FAM8A1: variants seen among roughly 807,000 people sequenced by gnomAD.
FAM8A1 encodes protein FAM8A1.
A neutral mutation model predicts 38.3 loss-of-function variants in FAM8A1; 18 were observed. The ratio of observed to expected loss-of-function variants is 0.47; its 90% CI spans 0.33 to 0.70. FAM8A1 has a LOEUF of 0.70. Among genes scored for constraint, FAM8A1 ranks in the 30% least tolerant of loss-of-function variants. The pLI is 0.03. For synonymous variants in FAM8A1, 246 were observed against 234.4 expected (o/e 1.05, Z -0.45); for missense variants, 559 against 559.6 (o/e 1.00, Z 0.01).
intron 2 of FAM8A1, 43 bp from the exon 3 acceptor site, chr6:17,604,863 T>C: frequency 6.6e-7 from 1 of 1,506,122 alleles, no homozygotes; most frequent in Non-Finnish European, 8.9e-7. Context: ...GCTACTGTTC[T>C]GGTAACTAAT....
chr6:17,600,385 C>A lies in FAM8A1; in HGVS notation c.-25C>A. ...AGGGAAACGGAGCAGTGACAGGTAT[C>A]CCAGAGGGTGCTGCTGAGGCGACGA... On this transcript the variant is annotated 5_prime_UTR_variant, in exon 1 of 5. Transcript: ENST00000259963. 1 of 1,377,118 alleles carries A rather than the reference C, an allele frequency of 7.3e-7. No individual in the cohort carries two copies. The highest frequency in any genetic ancestry group is 9.4e-7 in the Non-Finnish European group (1 of 1,064,358). The allele number at this position is 1,377,118 out of a possible 1,614,324, so 85.3% of individuals were successfully genotyped here. A position where few individuals can be genotyped will look rare whatever the true frequency, so the allele number is the denominator to read the frequency against.
At position 17,608,675 on chromosome 6, in the gene FAM8A1, T is replaced by C. The variant is rs1764093481; in HGVS notation, c.*336T>C. On this transcript the variant is annotated 3_prime_UTR_variant, in exon 5 of 5. Transcript: ENST00000259963. Reference sequence around the variant, plus strand: ...AGCTTTGAAATCTCCAAATGAAACTTTAAAATTTATTTTGGTTTATCCCAA... The same window carrying C: ...AGCTTTGAAATCTCCAAATGAAACTCTAAAATTTATTTTGGTTTATCCCAA... The C allele has an allele frequency of 5.6e-6, 1 of 177,744 alleles. No individual in the cohort carries two copies. Among genetic ancestry groups the C allele is most frequent in the African/African-American group, 2.4e-5 (1 of 42,516 alleles). 11.0% of individuals were successfully genotyped at this position (177,744 alleles called of 1,614,324 possible). A position where few individuals can be genotyped will look rare whatever the true frequency, so the allele number is the denominator to read the frequency against.
chr6:17,604,454 G>T (rs1764026485), intron 2 of FAM8A1, among the ~76,000 whole-genome samples: 1 of 151,940 alleles, frequency 6.6e-6, no homozygotes, highest in South Asian at 2.1e-4. Context: ...CCTCTTTCTG[G>T]AACGTTATTT....
intron 4 of FAM8A1, among the ~76,000 whole-genome samples, chr6:17,607,510 A>G (rs929036674): frequency 2.7e-5 from 4 of 149,092 alleles, no homozygotes; most frequent in African/African-American, 1.0e-4. Context: ...TATAGGTAGT[A>G]TCTATATACT....
In FAM8A1 at chr6:17,609,717, T is replaced by G. The variant is rs994281027; in HGVS notation, c.*1378T>G. The stretch of plus-strand genomic sequence containing the variant: ...ATTTTCTCCAGCTCTGACATTGTTT[T>G]CCAAAGACACACTAAACTGCATTGC... On this transcript the variant is annotated 3_prime_UTR_variant, in exon 5 of 5. Coordinates refer to ENST00000259963, the MANE Select transcript of FAM8A1 (RefSeq NM_016255.3). 1.3e-5 allele frequency: 2 copies of G among 152,208 alleles called. No homozygotes were observed. Among genetic ancestry groups the G allele is most frequent in the Non-Finnish European group, 2.9e-5 (2 of 68,028 alleles). 9.4% of individuals were successfully genotyped at this position (152,208 alleles called of 1,614,324 possible).
intron 1 of FAM8A1, 90 bp from the exon 2 acceptor site, chr6:17,602,500 T>C: frequency 7.6e-7 from 1 of 1,317,820 alleles, no homozygotes. Flanking sequence ...GTACCTTGAC[T>C]TTCTTTAGCA....
intron 2 of FAM8A1, 50 bp from the exon 3 acceptor site, chr6:17,604,856 A>G (rs1764030777): frequency 1.4e-6 from 2 of 1,474,366 alleles, no homozygotes; most frequent in South Asian, 1.3e-5. Flanking sequence ...AGTCAGTGCT[A>G]CTGTTCTGGT....
rs1180851254 is a variant in FAM8A1 at position 17,600,750 on chromosome 6, C to G, written c.341C>G (p.Ser114Cys). 6.4e-7 allele frequency: 1 copy of G among 1,573,182 alleles called. No homozygotes were observed. The highest frequency in any genetic ancestry group is 1.4e-5 in the African/African-American group (1 of 70,630). Residue 114 changes from serine (S) to cysteine (C), a missense_variant, in exon 1 of 5, where the codon TCC (serine) becomes TGC (cysteine). By Grantham distance (112) the Ser-to-Cys change is moderately radical. This residue lies in a region of FAM8A1 where 393 missense variants were observed against 338.9 expected (regional missense o/e 1.16). Transcript: ENST00000259963. ...GCTCGGCTGAGCGCCCGCGAGTACT[C>G]CCGGCAAGTGCACGAGTGGCTGTGG... ...RPARLSAREY[S>C]RQVHEWLWQS...
At position 17,600,645 on chromosome 6, in the gene FAM8A1, C is replaced by A; in HGVS notation, c.236C>A (p.Ala79Glu). 1 of 1,543,794 alleles carries A rather than the reference C, an allele frequency of 6.5e-7. No individual in the cohort carries two copies. Among genetic ancestry groups the A allele is most frequent in the Non-Finnish European group, 8.7e-7 (1 of 1,151,378 alleles). The change falls in exon 1 of 5, where the codon GCG (alanine) becomes GAG (glutamate). Residue 79 changes from alanine (A) to glutamate (E), a missense_variant. Transcript: ENST00000259963. ...CGCGAGCTCAGGAAGCGCGGGGAGG[C>A]GGCCTCCGGCTCCGGTGCAGAGCTG... ...PPRELRKRGE[A>E]ASGSGAELQE...
Position 17,609,008 on chromosome 6 carries a change from G to GAA in FAM8A1, c.*673_*674dup, listed in dbSNP as rs35291609. The GAA allele has an allele frequency of 1.3e-5, 2 of 151,792 alleles. No individual in the cohort carries two copies. Among genetic ancestry groups the GAA allele is most frequent in the African/African-American group, 4.8e-5 (2 of 41,364 alleles). The allele number at this position is 151,792 out of a possible 1,614,324, so 9.4% of individuals were successfully genotyped here. On this transcript the variant is annotated 3_prime_UTR_variant, in exon 5 of 5. Transcript: ENST00000259963. ...TTAGGGGCAAGTTTCTCATGATGAT[G>GAA]AAAAAGTATCAAGTCATATTGCTAT...
At position 17,601,090 on chromosome 6, in the gene FAM8A1, G is replaced by A. The variant is rs1473728378; in HGVS notation, c.681G>A (p.Ser227=). The change falls in exon 1 of 5, where the codon TCG becomes TCA. Residue 227 remains serine (S), a synonymous_variant. Transcript: ENST00000259963. The stretch of plus-strand genomic sequence containing the variant: ...CGAGGGTAGGATCCGCAGCCCCTTC[G>A]CGAAGCCCGAGCGAGACCGGGCGAC... ...PVTRVGSAAP[S]RSPSETGRQA... The A allele has an allele frequency of 6.3e-7, 1 of 1,598,360 alleles. No individual in the cohort carries two copies. The highest frequency in any genetic ancestry group is 8.5e-7 in the Non-Finnish European group (1 of 1,175,064).
intron 4 of FAM8A1, among the ~76,000 whole-genome samples, chr6:17,606,326 G>C (rs376984602): frequency 2.9e-4 from 44 of 150,732 alleles, no homozygotes; most frequent in African/African-American, 1.1e-3. Context: ...TCAGCCTCCC[G>C]AGTAGGTGGG....
chr6:17,606,530 A>C (rs1764055987), intron 4 of FAM8A1, among the ~76,000 whole-genome samples: 1 of 152,120 alleles, frequency 6.6e-6, no homozygotes. Context: ...ATTATAAGTC[A>C]CAATACGAGA....
intron 1 of FAM8A1, 120 bp downstream of exon 1, chr6:17,601,241 C>G (rs1307675381): frequency 7.6e-7 from 1 of 1,308,780 alleles, no homozygotes; most frequent in South Asian, 1.5e-5. Context: ...CTATCCTGCC[C>G]GTTCAGTTCA....
At position 17,609,501 on chromosome 6, in the gene FAM8A1, T is replaced by C. The variant is rs1764107602; in HGVS notation, c.*1162T>C. ...CATCATTCTAGGGTCTTTAAGCTCA[T>C]TTTGGGTCTGCTAAAGTTTGGGGGG... On this transcript the variant is annotated 3_prime_UTR_variant, in exon 5 of 5. Transcript: ENST00000259963. 1 of 152,120 alleles carries C rather than the reference T, an allele frequency of 6.6e-6. No homozygotes were observed. The highest frequency in any genetic ancestry group is 1.5e-5 in the Non-Finnish European group (1 of 68,022). 9.4% of individuals were successfully genotyped at this position (152,120 alleles called of 1,614,324 possible). A position where few individuals can be genotyped will look rare whatever the true frequency, so the allele number is the denominator to read the frequency against.
intron 4 of FAM8A1, among the ~76,000 whole-genome samples, chr6:17,606,751 A>G (rs1764058143): frequency 1.3e-5 from 2 of 152,184 alleles, no homozygotes; most frequent in African/African-American, 2.4e-5. Context: ...TAATACTGCC[A>G]GTATTCAAGG....
Position 17,600,348 on chromosome 6 carries a change from G to A in FAM8A1, c.-62G>A. On this transcript the variant is annotated 5_prime_UTR_variant, in exon 1 of 5. Transcript: ENST00000259963. ...GGTGGTGACGGGGCTGTTGGGGAGG[G>A]GCCATTGGGGGAGGGAAACGGAGCA... is the stretch of plus-strand genomic sequence containing the variant. 3 of 1,332,314 alleles carry A rather than the reference G, an allele frequency of 2.3e-6. No homozygotes were observed. The highest frequency in any genetic ancestry group is 2.1e-5 in the South Asian group (1 of 48,666). The allele number at this position is 1,332,314 out of a possible 1,614,324, so 82.5% of individuals were successfully genotyped here.
chr6:17,604,147 G>A lies in FAM8A1; in HGVS notation c.834-759G>A, dbSNP rs1428445421. On this transcript the variant is annotated intron_variant, in intron 2 of 4. Transcript: ENST00000259963. ...GTTGCTTTCAAAATCCTAGGCTCAGGCGATCCTCCCACCTCAGCCTCCCAA... is the reference window on the plus strand; with the variant it reads ...GTTGCTTTCAAAATCCTAGGCTCAGACGATCCTCCCACCTCAGCCTCCCAA... Among the ~76,000 whole-genome samples the A allele has an allele frequency of 2.0e-5, 3 of 151,802 alleles. No individual in the cohort carries two copies. In the East Asian group the frequency reaches 5.8e-4, roughly 29 times the overall value.
At position 17,600,962 on chromosome 6, in the gene FAM8A1, C is replaced by A; in HGVS notation, c.553C>A (p.Pro185Thr). Residue 185 changes from proline (P) to threonine (T), a missense_variant, in exon 1 of 5, where the codon CCT becomes ACT. Pro to Thr is a conservative substitution (Grantham distance 38, BLOSUM62 -1). Coordinates refer to ENST00000259963, the MANE Select transcript of FAM8A1 (RefSeq NM_016255.3). ...CTTCCTGAGCCCCGGGGCCGCGGGG[C>A]CTGACCCGCGGACAGCTGCCGGCAT... ...FYFLSPGAAG[P>T]DPRTAAGIST... The A allele has an allele frequency of 6.3e-7, 1 of 1,594,800 alleles. No individual in the cohort carries two copies. Among genetic ancestry groups the A allele is most frequent in the East Asian group, 2.3e-5 (1 of 44,258 alleles).
Sources: allele counts gnomAD v4.1 joint callset (sites outside exome capture counted in the v4.1 genomes callset), GRCh38; gene constraint gnomAD v4.1.1; regional missense constraint gnomAD v4.1.1; transcripts MANE v1.5; gene names NCBI Gene and HGNC (gene_info 2026-07-23, HGNC 2026-07-21).